RNF150: variants seen among roughly 807,000 people sequenced by gnomAD.
RNF150 encodes the protein ring finger protein 150.
In RNF150, 24 loss-of-function variants were observed where a neutral mutation model predicts 39.3. That is an observed-to-expected ratio of 0.61 (90% CI 0.44 to 0.86). RNF150 has a LOEUF of 0.86. RNF150 is among the 40% of genes least tolerant of loss of function. RNF150 has a pLI of 0.00. For missense variants in RNF150, 502 were observed against 587.8 expected (o/e 0.85, Z 1.51); for synonymous variants, 255 against 227.3 (o/e 1.12, Z -1.10).
At chr4:141,142,860 T>A (rs1264625246) in intron 1 of RNF150, among the ~76,000 whole-genome samples, 1 of 151,874 alleles carries the variant, frequency 6.6e-6, no homozygotes, top group Non-Finnish European at 1.5e-5. Context: ...ATTCTAGGTA[T>A]CTCTCTTTTT....
At chr4:141,061,722 T>C (rs764845180) in intron 1 of RNF150, among the ~76,000 whole-genome samples, 8 of 152,170 alleles carry the variant, frequency 5.3e-5, no homozygotes, top group Non-Finnish European at 8.8e-5. Context: ...AAGAGCACAG[T>C]AGCAACTACA....
chr4:140,898,401 C>A (rs1054453865), intron 6 of RNF150, among the ~76,000 whole-genome samples: 1 of 151,890 alleles, frequency 6.6e-6, no homozygotes, highest in Non-Finnish European at 1.5e-5. Context: ...ACATGGCTAA[C>A]TACTATTACA....
At chr4:141,000,016 AGAAG>A (rs1560679000) in intron 1 of RNF150, among the ~76,000 whole-genome samples, 5 of 39,942 alleles carry the variant, frequency 1.3e-4, no homozygotes, top group African/African-American at 4.2e-4. Flanking sequence ...AAGAAGAAGA[AGAAG>A]AAGAAGAAGA....
intron 1 of RNF150, among the ~76,000 whole-genome samples, chr4:141,030,801 T>A (rs1289977803): frequency 6.6e-6 from 1 of 151,982 alleles, no homozygotes; most frequent in Non-Finnish European, 1.5e-5. Flanking sequence ...TGCCAGGGGA[T>A]AGGGGAGAGG....
At chr4:140,916,612 C>T (rs942392250) in intron 5 of RNF150, among the ~76,000 whole-genome samples, 28 of 152,236 alleles carry the variant, frequency 1.8e-4, no homozygotes, top group African/African-American at 6.0e-4. Context: ...AGTTGGAAAA[C>T]ACTCTGCAGG....
chr4:140,988,537 G>C (rs1037082080), intron 1 of RNF150, among the ~76,000 whole-genome samples: 5 of 151,920 alleles, frequency 3.3e-5, no homozygotes, highest in Non-Finnish European at 5.9e-5. Context: ...TGTGCACAAC[G>C]TGCAGGTTTG....
At chr4:140,931,841 TCA>T (rs138329342) in intron 4 of RNF150, among the ~76,000 whole-genome samples, 3 of 152,390 alleles carry the variant, frequency 2.0e-5, no homozygotes, top group Non-Finnish European at 4.4e-5. Context: ...TAATAAGTTC[TCA>T]CACTTTTTGG....
chr4:141,136,719 A>C (rs1727032934), upstream of RNF150, among the ~76,000 whole-genome samples: 1 of 152,256 alleles, frequency 6.6e-6, no homozygotes, highest in South Asian at 2.1e-4. Flanking sequence ...CTGAAACAAA[A>C]CAGATAAGAT....
At chr4:141,013,779 T>G (rs1735161228) in intron 1 of RNF150, among the ~76,000 whole-genome samples, 1 of 152,216 alleles carries the variant, frequency 6.6e-6, no homozygotes, top group Admixed American at 6.5e-5. Flanking sequence ...CAGCGTGGCA[T>G]GATTAAATCA....
intron 1 of RNF150, among the ~76,000 whole-genome samples, chr4:141,151,138 C>T (rs1221160034): frequency 6.6e-6 from 1 of 151,826 alleles, no homozygotes; most frequent in Non-Finnish European, 1.5e-5. Flanking sequence ...AGGATGGGGT[C>T]TCATTTTGTT....
chr4:140,915,903 T>G (rs951359763), intron 5 of RNF150, among the ~76,000 whole-genome samples: 11 of 152,196 alleles, frequency 7.2e-5, no homozygotes, highest in African/African-American at 2.7e-4. Flanking sequence ...TCTGCTGTTC[T>G]GCAGCCACCG....
At chr4:141,041,621 G>A (rs2110859873) in intron 1 of RNF150, among the ~76,000 whole-genome samples, 1 of 151,974 alleles carries the variant, frequency 6.6e-6, no homozygotes, top group South Asian at 2.1e-4. Context: ...TTCTTCTATG[G>A]GCTGTTTTGC....
intron 6 of RNF150, among the ~76,000 whole-genome samples, chr4:140,906,613 C>T (rs1730385918): frequency 6.6e-6 from 1 of 152,108 alleles, no homozygotes; most frequent in Non-Finnish European, 1.5e-5. Context: ...GGAAATTTTC[C>T]CAGAGGAAAT....
At chr4:140,962,627 T>C (rs1733086482) in intron 2 of RNF150, among the ~76,000 whole-genome samples, 1 of 151,926 alleles carries the variant, frequency 6.6e-6, no homozygotes, top group South Asian at 2.1e-4. Context: ...TTAATGAAAG[T>C]GGCAAAATTG....
intron 1 of RNF150, among the ~76,000 whole-genome samples, chr4:141,078,808 A>AAT (rs137912691): frequency 3.1e-4 from 25 of 79,730 alleles, no homozygotes; most frequent in African/African-American, 1.1e-3. Context: ...AAAAAAAAAA[A>AAT]ATATATATAT....
rs1341884619 is a variant in RNF150 at position 141,027,921 on chromosome 4, T to TG, written c.485-60049_485-60048insC. Among the ~76,000 whole-genome samples, 6 of 59,632 alleles carry TG rather than the reference T, an allele frequency of 1.0e-4. 1 individual carries two copies. Among genetic ancestry groups the TG allele is most frequent in the South Asian group, 2.2e-3 (2 of 912 alleles). The allele number at this position is 59,632 out of a possible 152,430, so 39.1% of individuals were successfully genotyped here. The stretch of plus-strand genomic sequence containing the variant: ...AATGAGCTTGGAATTTGTTTTTTTT[T>TG]TTTTGTTTTTTTTTTTTTTTTTTTT... On this transcript the variant is annotated intron_variant, in intron 1 of 6. Transcript: ENST00000515673.
chr4:141,100,874 A>C (rs892647324), intron 1 of RNF150, among the ~76,000 whole-genome samples: 9 of 152,236 alleles, frequency 5.9e-5, no homozygotes, highest in African/African-American at 2.2e-4. Context: ...ACTGTAACAC[A>C]ATGATAAGAA....
intron 1 of RNF150, among the ~76,000 whole-genome samples, chr4:141,045,449 A>G (rs549777611): frequency 6.6e-6 from 1 of 152,244 alleles, no homozygotes; most frequent in African/African-American, 2.4e-5. Flanking sequence ...ATGCTGATGT[A>G]GTAATCTACA....
chr4:141,004,528 A>G (rs73860222), intron 1 of RNF150, among the ~76,000 whole-genome samples: 11,536 of 152,302 alleles, frequency 0.076, 484 homozygotes, highest in Middle Eastern at 0.16. Context: ...CATTGCTAAC[A>G]GAATTATGTC....
Sources: gnomAD v4.1 joint callset for allele counts (sites outside exome capture counted in the v4.1 genomes callset) on GRCh38, gnomAD v4.1.1 for gene constraint, MANE v1.5 for transcripts, NCBI Gene and HGNC (gene_info 2026-07-23, HGNC 2026-07-21) for gene names.